Variants in DLG2 observed in about 807,000 individuals in gnomAD.
The protein encoded by DLG2 is disks large homolog 2.
In DLG2, 45 loss-of-function variants were observed where a neutral mutation model predicts 132.5. The ratio of observed to expected loss-of-function variants is 0.34; its 90% CI spans 0.27 to 0.44. The LOEUF (loss-of-function observed/expected upper bound fraction) is 0.44. Ranked by LOEUF, DLG2 falls within the 20% of genes least tolerant of loss-of-function variation. The pLI is 1.00. For synonymous variants in DLG2, 424 were observed against 419.6 expected, an observed-to-expected ratio of 1.01 and a Z score of -0.13; for missense variants, 1,045 against 1,196.9, an observed-to-expected ratio of 0.87 and a Z score of 1.87.
intron 18 of DLG2, among the ~76,000 whole-genome samples, chr11:83,785,753 C>T (rs1189491331): frequency 6.6e-6 from 1 of 152,182 alleles, no homozygotes; most frequent in Non-Finnish European, 1.5e-5. Context: ...ATAGACCCAT[C>T]GATGCTAACA....
intron 7 of DLG2, among the ~76,000 whole-genome samples, chr11:84,381,566 T>C (rs2098749202): frequency 6.6e-6 from 1 of 152,190 alleles, no homozygotes; most frequent in African/African-American, 2.4e-5. Context: ...GTATTAATAA[T>C]TCAGTTCATT....
intron 18 of DLG2, among the ~76,000 whole-genome samples, chr11:83,694,015 G>A (rs570027449): frequency 6.6e-6 from 1 of 152,312 alleles, no homozygotes; most frequent in African/African-American, 2.4e-5. Context: ...TGTTTACTGT[G>A]AAGCCCTCTT....
At chr11:84,667,498 G>GTTTTTTTTTTTTT (rs57863742) in intron 6 of DLG2, among the ~76,000 whole-genome samples, 6 of 122,270 alleles carry the variant, frequency 4.9e-5, no homozygotes, top group Admixed American at 9.1e-5. Context: ...TTTGTTTTTT[G>GTTTTTTTTTTTTT]TTTTTTTTTT....
intron 6 of DLG2, among the ~76,000 whole-genome samples, chr11:84,571,903 T>C (rs185889479): frequency 1.4e-4 from 22 of 152,262 alleles, no homozygotes; most frequent in Admixed American, 7.2e-4. Flanking sequence ...CTGCATACTG[T>C]TTATGTATCA....
chr11:85,295,959 G>C (rs1349163497), intron 3 of DLG2, among the ~76,000 whole-genome samples: 1 of 152,074 alleles, frequency 6.6e-6, no homozygotes, highest in Non-Finnish European at 1.5e-5. Flanking sequence ...TAGACTTTCA[G>C]TATAGTTAAG....
At chr11:83,913,532 C>T (rs1015154798) in intron 15 of DLG2, among the ~76,000 whole-genome samples, 1 of 151,996 alleles carries the variant, frequency 6.6e-6, no homozygotes, top group Non-Finnish European at 1.5e-5. Flanking sequence ...ATAATGTAGG[C>T]TAATTTCTAT....
chr11:84,286,396 A>G (rs889598265), intron 7 of DLG2, among the ~76,000 whole-genome samples: 2 of 152,200 alleles, frequency 1.3e-5, no homozygotes, highest in Admixed American at 6.5e-5. Flanking sequence ...ATTTGCTTTC[A>G]TCATACACTT....
intron 7 of DLG2, among the ~76,000 whole-genome samples, chr11:84,307,151 G>A (rs981682347): frequency 1.1e-4 from 16 of 152,120 alleles, no homozygotes; most frequent in African/African-American, 3.6e-4. Flanking sequence ...TTGATAACAT[G>A]GAACACTATG....
At chr11:85,145,229 C>T (rs1447950336) in intron 5 of DLG2, among the ~76,000 whole-genome samples, 1 of 151,698 alleles carries the variant, frequency 6.6e-6, no homozygotes, top group Non-Finnish European at 1.5e-5. Context: ...TTGCTTGTTT[C>T]TTTTCTCTTG....
intron 18 of DLG2, among the ~76,000 whole-genome samples, chr11:83,669,074 T>C (rs2076377261): frequency 6.6e-6 from 1 of 152,034 alleles, no homozygotes; most frequent in Non-Finnish European, 1.5e-5. Flanking sequence ...ATTTTCCCAA[T>C]CCTGAGCTTG....
At chr11:83,987,480 T>G (rs1366583838) in intron 11 of DLG2, among the ~76,000 whole-genome samples, 1 of 152,138 alleles carries the variant, frequency 6.6e-6, no homozygotes, top group Admixed American at 6.6e-5. Flanking sequence ...AACAGCATGG[T>G]ACTGGTACCA....
intron 6 of DLG2, among the ~76,000 whole-genome samples, chr11:84,615,638 G>A (rs934422863): frequency 6.6e-6 from 1 of 151,054 alleles, no homozygotes; most frequent in Non-Finnish European, 1.5e-5. Flanking sequence ...TTTTTTAGGG[G>A]TCATAAAGGG....
At chr11:83,510,373 G>A (rs941051532) in intron 21 of DLG2, among the ~76,000 whole-genome samples, 1 of 152,092 alleles carries the variant, frequency 6.6e-6, no homozygotes, top group African/African-American at 2.4e-5. Context: ...CAGCATTCAT[G>A]TCCTAGGAGT....
chr11:85,483,540 A>G (rs2093348519), intron 3 of DLG2, among the ~76,000 whole-genome samples: 1 of 152,242 alleles, frequency 6.6e-6, no homozygotes, highest in South Asian at 2.1e-4. Context: ...AACTAAAAGC[A>G]TAAAACTCAA....
chr11:84,458,879 C>G (rs562081210), intron 7 of DLG2, among the ~76,000 whole-genome samples: 2 of 150,688 alleles, frequency 1.3e-5, no homozygotes, highest in South Asian at 4.1e-4. Flanking sequence ...AATACTTTGT[C>G]AAGCAGTACA....
At chr11:85,336,817 T>C (rs2082166180) in intron 3 of DLG2, among the ~76,000 whole-genome samples, 1 of 152,228 alleles carries the variant, frequency 6.6e-6, no homozygotes, top group Non-Finnish European at 1.5e-5. Flanking sequence ...TTCATTAGTA[T>C]TCTTTTAACT....
chr11:84,302,587 A>T (rs1049509546), intron 7 of DLG2, among the ~76,000 whole-genome samples: 1 of 152,170 alleles, frequency 6.6e-6, no homozygotes, highest in Non-Finnish European at 1.5e-5. Context: ...AGGACTAAAA[A>T]GTTGTTACTA....
intron 3 of DLG2, among the ~76,000 whole-genome samples, chr11:85,288,356 G>A (rs930797066): frequency 6.6e-6 from 1 of 152,060 alleles, no homozygotes; most frequent in African/African-American, 2.4e-5. Flanking sequence ...AATCTGTACA[G>A]ATATACATCT....
intron 6 of DLG2, among the ~76,000 whole-genome samples, chr11:84,704,936 TTATA>T (rs1211888327): frequency 2.0e-5 from 3 of 148,220 alleles, no homozygotes; most frequent in Non-Finnish European, 4.5e-5. Flanking sequence ...CACATATATA[TTATA>T]TATATATTTT....
Sources: allele counts gnomAD v4.1 joint callset (sites outside exome capture counted in the v4.1 genomes callset), GRCh38; gene constraint gnomAD v4.1.1; transcripts MANE v1.5; gene names NCBI Gene and HGNC (gene_info 2026-07-23, HGNC 2026-07-21).